Variants in SPIDR observed in about 807,000 individuals in gnomAD.
SPIDR encodes DNA repair-scaffolding protein.
Under a neutral mutation model 104.6 loss-of-function variants are expected in SPIDR, and 93 were observed. That is an observed-to-expected ratio of 0.89 (90% confidence interval 0.75 to 1.06). The LOEUF (loss-of-function observed/expected upper bound fraction) is 1.06. Ranked by LOEUF, SPIDR falls within the 50% of genes least tolerant of loss-of-function variation. The pLI is 0.00. For missense variants in SPIDR, 1,154 were observed against 1,111.2 expected (o/e 1.04, Z -0.55); for synonymous variants, 431 against 416.9 (o/e 1.03, Z -0.41).
At chr8:47,389,279 A>C (rs965178209) in intron 5 of SPIDR, among the ~76,000 whole-genome samples, 4 of 152,218 alleles carry the variant, frequency 2.6e-5, no homozygotes, top group Non-Finnish European at 4.4e-5. Flanking sequence ...CCTTTGCAAA[A>C]ATAGGAAAAA....
intron 5 of SPIDR, among the ~76,000 whole-genome samples, chr8:47,335,643 G>A (rs532142164): frequency 3.3e-5 from 5 of 152,160 alleles, no homozygotes; most frequent in African/African-American, 1.2e-4. Context: ...TAAAGACGGG[G>A]TTTTGCCATG....
intron 6 of SPIDR, among the ~76,000 whole-genome samples, chr8:47,401,402 G>A (rs2061866129): frequency 6.6e-6 from 1 of 152,114 alleles, no homozygotes; most frequent in Non-Finnish European, 1.5e-5. Flanking sequence ...AGACCATTGA[G>A]GCTAGGAAGA....
In SPIDR at chr8:47,400,311, A is replaced by G. The variant is rs151204755; in HGVS notation, c.776+3685A>G. ...GGCTGAAGCTGCTCAAACAGCATGC[A>G]ATTGATCATTTTCTTCTTGTGATTT... On this transcript the variant is annotated intron_variant, in intron 6 of 19. Coordinates refer to ENST00000297423, the MANE Select transcript of SPIDR (RefSeq NM_001080394.4). 3.3e-3 allele frequency among the ~76,000 whole-genome samples: 500 copies of G among 152,336 alleles called. 4 individuals carry two copies. Among genetic ancestry groups the G allele is most frequent in the Middle Eastern group, 6.8e-3 (2 of 294 alleles).
chr8:47,432,082 AAC>A (rs1341221323), intron 7 of SPIDR, among the ~76,000 whole-genome samples: 1 of 152,232 alleles, frequency 6.6e-6, no homozygotes, highest in Non-Finnish European at 1.5e-5. Flanking sequence ...AATCATTAAT[AAC>A]ACAATCAATA....
At chr8:47,681,788 G>A (rs1377804353) in intron 11 of SPIDR, among the ~76,000 whole-genome samples, 1 of 152,038 alleles carries the variant, frequency 6.6e-6, no homozygotes, top group African/African-American at 2.4e-5. Context: ...TGTGTATTTT[G>A]CATAAGAACA....
intron 1 of SPIDR, chr8:47,279,491 C>T (rs2037288248): frequency 5.8e-6 from 1 of 172,484 alleles, no homozygotes; most frequent in Non-Finnish European, 1.3e-5. Flanking sequence ...CTATCAGACA[C>T]TGTTCTCAGA....
intron 19 of SPIDR, 111 bp from the exon 20 acceptor site, chr8:47,735,196 G>T: frequency 1.0e-6 from 1 of 987,198 alleles, no homozygotes; most frequent in Non-Finnish European, 1.6e-6. Context: ...GGAGTGGAAG[G>T]TCGTGGACTG....
At chr8:47,381,118 C>T (rs903671095) in intron 5 of SPIDR, among the ~76,000 whole-genome samples, 1 of 152,228 alleles carries the variant, frequency 6.6e-6, no homozygotes, top group Non-Finnish European at 1.5e-5. Flanking sequence ...TGTATGTGTG[C>T]CATGGCTGCA....
intron 10 of SPIDR, among the ~76,000 whole-genome samples, chr8:47,653,280 T>A (rs2072032863): frequency 6.6e-6 from 1 of 152,198 alleles, no homozygotes; most frequent in Non-Finnish European, 1.5e-5. Flanking sequence ...CCCAGGCCTG[T>A]GTCTTGTTCC....
intron 14 of SPIDR, among the ~76,000 whole-genome samples, chr8:47,708,215 C>T (rs1387160199): frequency 6.6e-6 from 1 of 152,238 alleles, no homozygotes; most frequent in Non-Finnish European, 1.5e-5. Context: ...TGGAGAATCA[C>T]TTGAACCTGG....
intron 7 of SPIDR, among the ~76,000 whole-genome samples, chr8:47,415,377 G>A (rs1554674608): frequency 6.6e-6 from 1 of 152,088 alleles, no homozygotes; most frequent in Non-Finnish European, 1.5e-5. Context: ...ACAGTCCATT[G>A]ACCCTGCTCA....
chr8:47,570,109 C>G (rs1478038674), intron 8 of SPIDR, among the ~76,000 whole-genome samples: 1 of 151,992 alleles, frequency 6.6e-6, no homozygotes, highest in Admixed American at 6.5e-5. Flanking sequence ...CCCAAGAGAC[C>G]CAGAATAGCC....
At chr8:47,312,178 A>G (rs2044310204) in intron 5 of SPIDR, among the ~76,000 whole-genome samples, 1 of 152,212 alleles carries the variant, frequency 6.6e-6, no homozygotes, top group Admixed American at 6.5e-5. Context: ...CGCAGTAAAC[A>G]TAGGTGTGCG....
intron 10 of SPIDR, among the ~76,000 whole-genome samples, chr8:47,650,740 G>A (rs938007567): frequency 5.9e-5 from 9 of 152,132 alleles, no homozygotes; most frequent in Admixed American, 1.3e-4. Context: ...ACAGCGTGGT[G>A]CTGATATAAA....
intron 8 of SPIDR, among the ~76,000 whole-genome samples, chr8:47,549,364 G>C (rs1038468068): frequency 6.6e-6 from 1 of 152,122 alleles, no homozygotes; most frequent in Non-Finnish European, 1.5e-5. Flanking sequence ...CACAATAGTT[G>C]AACTAGTTTA....
chr8:47,265,108 G>A (rs2033627087), intron 1 of SPIDR, among the ~76,000 whole-genome samples: 1 of 151,702 alleles, frequency 6.6e-6, no homozygotes, highest in Non-Finnish European at 1.5e-5. Context: ...CCAGTTTAAG[G>A]CCTTGATAGT....
At chr8:47,310,783 T>C (rs782062382) in intron 5 of SPIDR, among the ~76,000 whole-genome samples, 1 of 152,146 alleles carries the variant, frequency 6.6e-6, no homozygotes, top group Non-Finnish European at 1.5e-5. Flanking sequence ...ACTAAAGATA[T>C]TTCATTTGCA....
At chr8:47,418,967 C>A (rs182671346) in intron 7 of SPIDR, 45 of 152,302 alleles carry the variant, frequency 3.0e-4, no homozygotes, top group African/African-American at 1.1e-3. Context: ...ATGGATGAAG[C>A]CCACTTGATC....
At chr8:47,699,801 C>T (rs572048438) in intron 11 of SPIDR, among the ~76,000 whole-genome samples, 18 of 152,276 alleles carry the variant, frequency 1.2e-4, no homozygotes, top group South Asian at 4.1e-4. Flanking sequence ...GTGATCCATC[C>T]GCCTCAGCCT....
Sources: gnomAD v4.1 joint callset for allele counts (sites outside exome capture counted in the v4.1 genomes callset) on GRCh38, gnomAD v4.1.1 for gene constraint, MANE v1.5 for transcripts, NCBI Gene and HGNC (gene_info 2026-07-23, HGNC 2026-07-21) for gene names.